Variants in VAMP7 observed in about 807,000 individuals in gnomAD.
The protein encoded by VAMP7 is vesicle associated membrane protein 7.
In VAMP7, 14 loss-of-function variants were observed where a neutral mutation model predicts 29.6. The ratio of observed to expected loss-of-function variants is 0.47; its 90% CI spans 0.31 to 0.74. The LOEUF (loss-of-function observed/expected upper bound fraction) is 0.74, where lower values mean the gene tolerates loss of function less well. Ranked by LOEUF, VAMP7 falls within the 30% of genes least tolerant of loss-of-function variation. The pLI is 0.05. For synonymous variants in VAMP7, 95 were observed against 88.1 expected (o/e 1.08, Z -0.44); for missense variants, 223 against 262.4 (o/e 0.85, Z 1.04).
intron 5 of VAMP7, among the ~76,000 whole-genome samples, chrX:155,918,887 G>A (rs987601383): frequency 2.0e-5 from 3 of 152,088 alleles, no homozygotes; most frequent in African/African-American, 7.2e-5. Flanking sequence ...CATGTTTATT[G>A]ATTTGCATGC....
intron 1 of VAMP7, among the ~76,000 whole-genome samples, chrX:155,882,648 C>G (rs1288997861): frequency 6.6e-6 from 1 of 152,176 alleles, no homozygotes; most frequent in Non-Finnish European, 1.5e-5. Context: ...GATTGGATTA[C>G]TATTAGCTCA....
intron 4 of VAMP7, among the ~76,000 whole-genome samples, chrX:155,899,901 A>G (rs1224501839): frequency 6.6e-6 from 1 of 152,114 alleles, no homozygotes; most frequent in Admixed American, 6.6e-5. Flanking sequence ...CACTTAACAC[A>G]ATGAAATGAC....
intron 6 of VAMP7, among the ~76,000 whole-genome samples, chrX:155,931,107 T>C (rs2066546485): frequency 1.3e-5 from 2 of 152,186 alleles, no homozygotes; most frequent in African/African-American, 4.8e-5. Context: ...ATCCAGTCTA[T>C]CATTGTTGGA....
At chrX:155,929,280 T>C (rs2066513795) in intron 6 of VAMP7, among the ~76,000 whole-genome samples, 1 of 152,160 alleles carries the variant, frequency 6.6e-6, no homozygotes, top group Non-Finnish European at 1.5e-5. Context: ...CAAGTAGGTT[T>C]TTAAAGGAAA....
rs2043253782 is a variant in VAMP7, at chrX:155,942,114, T to C, written c.*163T>C. Reference sequence around the variant, plus strand: ...TTCCATGCCTCCAGGTTTATCTTTGTCTTATCTACCAGTTTATTCCTGTGA... The same window carrying C: ...TTCCATGCCTCCAGGTTTATCTTTGCCTTATCTACCAGTTTATTCCTGTGA... On this transcript the variant is annotated 3_prime_UTR_variant, in exon 8 of 8. Coordinates refer to ENST00000286448, the MANE Select transcript of VAMP7 (RefSeq NM_005638.6). 6.4e-7 allele frequency: 1 copy of C among 1,552,856 alleles called. No individual in the cohort carries two copies. The highest frequency in any genetic ancestry group is 1.4e-5 in the African/African-American group (1 of 73,078).
At chrX:155,900,621 CA>C in intron 5 of VAMP7, 34 bp downstream of exon 5, 1 of 1,545,824 alleles carries the variant, frequency 6.5e-7, no homozygotes, top group Non-Finnish European at 8.8e-7. Context: ...TGCATGTGGG[CA>C]AAAATGATAA....
rs1474432583 is a variant in VAMP7 at position 155,917,249 on chromosome X, C to T, written c.434-2564C>T. ...TCTCTAAACTGGCTATTCTAGTTAGCAATTCCTCTAACCTTTTTTCAAGGT... is the reference window on the plus strand; with the variant it reads ...TCTCTAAACTGGCTATTCTAGTTAGTAATTCCTCTAACCTTTTTTCAAGGT... On this transcript the variant is annotated intron_variant, in intron 5 of 7. Coordinates refer to ENST00000286448, the MANE Select transcript of VAMP7 (RefSeq NM_005638.6). Among the ~76,000 whole-genome samples, 5 of 152,166 alleles carry T rather than the reference C, an allele frequency of 3.3e-5. No individual in the cohort carries two copies. In the South Asian group the frequency reaches 6.2e-4, roughly 19 times the overall value.
chrX:155,889,325 G>A, intron 1 of VAMP7, 133 bp from the exon 2 acceptor site: 1 of 1,281,738 alleles, frequency 7.8e-7, no homozygotes, highest in Non-Finnish European at 1.1e-6. Flanking sequence ...TCTTAAGTCT[G>A]TTGTTAAGTT....
chrX:155,910,476 G>A (rs777824527), intron 5 of VAMP7, among the ~76,000 whole-genome samples: 1 of 152,164 alleles, frequency 6.6e-6, no homozygotes, highest in African/African-American at 2.4e-5. Context: ...ATACCCAGTA[G>A]TAGGATTGCT....
intron 5 of VAMP7, among the ~76,000 whole-genome samples, chrX:155,902,317 G>A (rs1200149321): frequency 6.6e-6 from 1 of 151,698 alleles, no homozygotes; most frequent in Admixed American, 6.6e-5. Context: ...TCTGCAAATA[G>A]GGACAATTTG....
intron 4 of VAMP7, 121 bp downstream of exon 4, chrX:155,898,370 C>A: frequency 3.9e-6 from 5 of 1,279,380 alleles, no homozygotes; most frequent in East Asian, 2.4e-5. Context: ...TGTAAGCCAA[C>A]ATAATAAAAC....
chrX:155,889,506 A>G lies in VAMP7; in HGVS notation c.40A>G (p.Ile14Val), dbSNP rs373229104. ...LFAVVARGTT[I>V]LAKHAWCGGN... is the part of the protein sequence containing the mutation. The stretch of plus-strand genomic sequence containing the variant: ...TGCTGTTGTTGCCAGGGGGACCACT[A>G]TCCTTGCCAAACATGCTTGGTGTGG... Residue 14 changes from isoleucine to valine, a missense_variant, in exon 2 of 8, where the codon ATC becomes GTC. Transcript: ENST00000286448. The G allele has an allele frequency of 2.5e-6, 4 of 1,613,900 alleles. No individual in the cohort carries two copies. The highest frequency in any genetic ancestry group is 2.5e-6 in the Non-Finnish European group (3 of 1,179,840).
At chrX:155,890,874 G>T (rs949377181) in intron 2 of VAMP7, among the ~76,000 whole-genome samples, 11 of 152,072 alleles carry the variant, frequency 7.2e-5, no homozygotes, top group African/African-American at 2.7e-4. Context: ...TACAGTTTAA[G>T]GTGTACTCTA....
At chrX:155,901,361 T>A (rs993418961) in intron 5 of VAMP7, among the ~76,000 whole-genome samples, 9 of 152,108 alleles carry the variant, frequency 5.9e-5, no homozygotes, top group African/African-American at 2.2e-4. Flanking sequence ...TTTTTATTCT[T>A]TTTTTTGTCA....
At chrX:155,906,000 A>C (rs988919875) in intron 5 of VAMP7, among the ~76,000 whole-genome samples, 18 of 151,694 alleles carry the variant, frequency 1.2e-4, no homozygotes, top group Non-Finnish European at 2.5e-4. Flanking sequence ...TAACAATATT[A>C]AACTTCTGAT....
At chrX:155,921,290 T>C (rs1470681447) in intron 6 of VAMP7, among the ~76,000 whole-genome samples, 3 of 139,268 alleles carry the variant, frequency 2.2e-5, no homozygotes, top group Non-Finnish European at 3.1e-5. Flanking sequence ...TGTACAACTT[T>C]TAAGTGTATA....
intron 2 of VAMP7, among the ~76,000 whole-genome samples, chrX:155,889,995 C>T (rs1482738068): frequency 6.6e-6 from 1 of 151,950 alleles, no homozygotes; most frequent in Non-Finnish European, 1.5e-5. Flanking sequence ...GGGGATATAA[C>T]AAGATATGTG....
intron 5 of VAMP7, among the ~76,000 whole-genome samples, chrX:155,911,301 C>T (rs1213473110): frequency 2.6e-5 from 4 of 152,136 alleles, no homozygotes; most frequent in African/African-American, 4.8e-5. Context: ...TCTATTCCAT[C>T]GACCTTGTGT....
At chrX:155,895,173 C>T (rs181348415) in intron 2 of VAMP7, among the ~76,000 whole-genome samples, 25 of 152,248 alleles carry the variant, frequency 1.6e-4, no homozygotes, top group Non-Finnish European at 3.2e-4. Flanking sequence ...TTTGTATCCT[C>T]AGCATCCAGC....
Sources: gnomAD v4.1 joint callset for allele counts (sites outside exome capture counted in the v4.1 genomes callset) on GRCh38, gnomAD v4.1.1 for gene constraint, MANE v1.5 for transcripts, NCBI Gene and HGNC (gene_info 2026-07-23, HGNC 2026-07-21) for gene names.